Variants in TMEM108 observed in about 807,000 individuals in gnomAD.
The protein encoded by TMEM108 is cancer/testis antigen 124.
A neutral mutation model predicts 35.1 loss-of-function variants in TMEM108; 12 were observed. The ratio of observed to expected loss-of-function variants is 0.34; its 90% CI spans 0.22 to 0.55. TMEM108 has a LOEUF of 0.55. TMEM108 is among the 20% of genes least tolerant of loss of function. The pLI is 0.89. For synonymous variants in TMEM108, 287 were observed against 308.6 expected (o/e 0.93, Z 0.73); for missense variants, 680 against 753.3 (o/e 0.90, Z 1.14).
At chr3:133,088,073 G>A (rs1253837816) in intron 2 of TMEM108, among the ~76,000 whole-genome samples, 5 of 152,176 alleles carry the variant, frequency 3.3e-5, no homozygotes. Flanking sequence ...ATCAGTGGGG[G>A]CCGAAACATT....
chr3:133,086,188 C>T (rs1576311091), intron 2 of TMEM108, among the ~76,000 whole-genome samples: 1 of 152,286 alleles, frequency 6.6e-6, no homozygotes, highest in South Asian at 2.1e-4. Flanking sequence ...CAGAGGTTCT[C>T]CCTCTGTACC....
chr3:133,199,349 G>C (rs569772555), intron 2 of TMEM108, among the ~76,000 whole-genome samples: 2 of 152,276 alleles, frequency 1.3e-5, no homozygotes, highest in South Asian at 4.1e-4. Context: ...TTCCTTTGGA[G>C]GAGAAAAGGC....
intron 2 of TMEM108, among the ~76,000 whole-genome samples, chr3:133,063,155 A>G (rs1460798294): frequency 1.3e-5 from 2 of 152,110 alleles, no homozygotes; most frequent in Non-Finnish European, 2.9e-5. Context: ...TCAGCTAAGA[A>G]GTGGTGTGTG....
chr3:133,283,583 T>C (rs189010319), intron 3 of TMEM108, among the ~76,000 whole-genome samples: 1,903 of 146,944 alleles, frequency 0.013, 16 homozygotes, highest in South Asian at 0.024. Context: ...TATAGTCTGC[T>C]TTTTGAAAGT....
intron 2 of TMEM108, among the ~76,000 whole-genome samples, chr3:133,065,426 G>A (rs1576299921): frequency 6.6e-6 from 1 of 152,054 alleles, no homozygotes; most frequent in Non-Finnish European, 1.5e-5. Flanking sequence ...AGTGCGGTTA[G>A]TCTGATCTCT....
chr3:133,215,280 G>T (rs991326446), intron 2 of TMEM108, among the ~76,000 whole-genome samples: 1 of 151,252 alleles, frequency 6.6e-6, no homozygotes, highest in African/African-American at 2.4e-5. Context: ...AACTTACTGT[G>T]CTTAGAAACA....
chr3:133,319,994 G>A (rs375394263), intron 3 of TMEM108, among the ~76,000 whole-genome samples: 4 of 152,168 alleles, frequency 2.6e-5, no homozygotes, highest in East Asian at 1.9e-4. Flanking sequence ...CTGGCTGGGC[G>A]CAGTGGCTCA....
chr3:133,230,764 T>C (rs7618220), intron 3 of TMEM108, among the ~76,000 whole-genome samples: 33,471 of 152,108 alleles, frequency 0.22, 4,025 homozygotes, highest in Middle Eastern at 0.32. Flanking sequence ...TTGCATAATA[T>C]TTTAGGGTCG....
chr3:133,396,596 A>G lies in TMEM108; in HGVS notation c.*610A>G, dbSNP rs1445525303. 1 of 152,200 alleles carries G rather than the reference A, an allele frequency of 6.6e-6. No individual in the cohort carries two copies. The allele number at this position is 152,200 out of a possible 1,614,324, so 9.4% of individuals were successfully genotyped here. On this transcript the variant is annotated 3_prime_UTR_variant, in exon 6 of 6. Transcript: ENST00000321871. ...AGGCAGGAGCATGGAGCCCTCAGGAATCCATGGAGGACATCAAGGCATCCC... is the reference window on the plus strand; with the variant it reads ...AGGCAGGAGCATGGAGCCCTCAGGAGTCCATGGAGGACATCAAGGCATCCC...
chr3:133,246,352 C>G (rs900741965), intron 3 of TMEM108: 1 of 152,106 alleles, frequency 6.6e-6, no homozygotes, highest in Non-Finnish European at 1.5e-5. Context: ...CCCAGGCAGG[C>G]CTTATGCCAG....
chr3:133,118,829 C>A (rs796537338), intron 2 of TMEM108, among the ~76,000 whole-genome samples: 1 of 151,988 alleles, frequency 6.6e-6, no homozygotes, highest in South Asian at 2.1e-4. Flanking sequence ...TGTAAAAAGA[C>A]GTAAGATTAT....
chr3:133,100,935 G>T (rs1944079178), intron 2 of TMEM108, among the ~76,000 whole-genome samples: 1 of 152,124 alleles, frequency 6.6e-6, no homozygotes, highest in Non-Finnish European at 1.5e-5. Context: ...ATTTCTAGTT[G>T]TGTGTATAAT....
intron 2 of TMEM108, among the ~76,000 whole-genome samples, chr3:133,118,680 C>G (rs754527668): frequency 2.6e-5 from 4 of 152,134 alleles, no homozygotes; most frequent in Non-Finnish European, 5.9e-5. Flanking sequence ...AAATCACTGT[C>G]CCAGAAGCTA....
intron 2 of TMEM108, among the ~76,000 whole-genome samples, chr3:133,124,278 C>G (rs1944388409): frequency 6.6e-6 from 1 of 152,188 alleles, no homozygotes; most frequent in Admixed American, 6.5e-5. Flanking sequence ...CAGCTGGTTT[C>G]CAGCCTGTTA....
intron 3 of TMEM108, among the ~76,000 whole-genome samples, chr3:133,355,280 T>A (rs2072129361): frequency 6.6e-6 from 1 of 152,198 alleles, no homozygotes; most frequent in Admixed American, 6.5e-5. Context: ...AATACACATC[T>A]TCATCTAGGC....
intron 2 of TMEM108, among the ~76,000 whole-genome samples, chr3:133,177,757 T>G (rs376575512): frequency 8.6e-5 from 13 of 151,664 alleles, no homozygotes; most frequent in East Asian, 1.9e-4. Flanking sequence ...TGGCACAAGA[T>G]AGGGATGCCC....
intron 2 of TMEM108, among the ~76,000 whole-genome samples, chr3:133,172,104 T>C (rs1456006044): frequency 1.3e-5 from 2 of 152,218 alleles, no homozygotes; most frequent in Non-Finnish European, 2.9e-5. Flanking sequence ...TCTAAGGTTT[T>C]TGCATTTAAC....
chr3:133,367,869 G>A lies in TMEM108; in HGVS notation c.41-11883G>A, dbSNP rs138637166. ...CAACAAGTTCTTTTGTGAGGGGAGA[G>A]AAAGTGCTGAGAGATGTCAGCATGC... On this transcript the variant is annotated intron_variant, in intron 3 of 5. Transcript: ENST00000321871. Among the ~76,000 whole-genome samples, 16 of 152,338 alleles carry A rather than the reference G, an allele frequency of 1.1e-4. No individual in the cohort carries two copies. In the East Asian group the frequency reaches 2.9e-3, roughly 28 times the overall value.
At chr3:133,339,910 T>C (rs1478512524) in intron 3 of TMEM108, among the ~76,000 whole-genome samples, 1 of 151,616 alleles carries the variant, frequency 6.6e-6, no homozygotes, top group Non-Finnish European at 1.5e-5. Flanking sequence ...CAAATGATAA[T>C]GAAAACACAA....
Sources: gnomAD v4.1 joint callset for allele counts (sites outside exome capture counted in the v4.1 genomes callset) on GRCh38, gnomAD v4.1.1 for gene constraint, MANE v1.5 for transcripts, NCBI Gene and HGNC (gene_info 2026-07-23, HGNC 2026-07-21) for gene names.